The following SLIT2 variants were observed in gnomAD, a reference collection of about 807,000 sequenced individuals.
The protein encoded by SLIT2 is slit homolog 2 protein.
SLIT2 carries 41 observed loss-of-function variants against 185.7 expected under a neutral mutation model. That is an observed-to-expected ratio of 0.22 (90% CI 0.17 to 0.29). The LOEUF (loss-of-function observed/expected upper bound fraction) is 0.29. Ranked by LOEUF, SLIT2 falls within the 10% of genes least tolerant of loss-of-function variation. SLIT2 has a pLI of 1.00. For missense variants in SLIT2, 1,571 were observed against 1,909.0 expected, an observed-to-expected ratio of 0.82 and a Z score of 3.30; for synonymous variants, 693 against 680.2, an observed-to-expected ratio of 1.02 and a Z score of -0.29.
chr4:20,466,316 T>G (rs181332982), intron 4 of SLIT2, among the ~76,000 whole-genome samples: 28 of 152,148 alleles, frequency 1.8e-4, no homozygotes, highest in African/African-American at 6.3e-4. Flanking sequence ...TTTTAGGAAA[T>G]GAAGGATTAA....
chr4:20,407,127 C>T (rs1174722494), intron 4 of SLIT2, among the ~76,000 whole-genome samples: 1 of 152,038 alleles, frequency 6.6e-6, no homozygotes, highest in Non-Finnish European at 1.5e-5. Flanking sequence ...ATCAAAGTTG[C>T]TTTTTCCTTT....
At chr4:20,275,296 C>G (rs1267609336) in intron 4 of SLIT2, among the ~76,000 whole-genome samples, 3 of 152,092 alleles carry the variant, frequency 2.0e-5, no homozygotes, top group East Asian at 3.9e-4. Flanking sequence ...ACTTGCAGTT[C>G]TGTTAACTTT....
intron 4 of SLIT2, among the ~76,000 whole-genome samples, chr4:20,395,101 T>G (rs773307090): frequency 1.3e-5 from 2 of 152,038 alleles, no homozygotes; most frequent in Non-Finnish European, 2.9e-5. Flanking sequence ...TAGATTTACC[T>G]TAAATAGATG....
Position 20,449,697 on chromosome 4 carries a change from G to A in SLIT2, c.396-18055G>A, listed in dbSNP as rs568847622. Reference sequence around the variant, plus strand: ...GCTGGGATTACACGCGTGAGCCACCGCACCCGGCCAAAAAAACATTTTTTT... The same window carrying A: ...GCTGGGATTACACGCGTGAGCCACCACACCCGGCCAAAAAAACATTTTTTT... On this transcript the variant is annotated intron_variant, in intron 4 of 36. Transcript: ENST00000504154. Among the ~76,000 whole-genome samples the A allele has an allele frequency of 4.6e-5, 7 of 152,030 alleles. No homozygotes were observed. In the South Asian group the frequency reaches 6.2e-4, roughly 14 times the overall value.
chr4:20,421,050 G>T (rs550000935), intron 4 of SLIT2, among the ~76,000 whole-genome samples: 1 of 152,096 alleles, frequency 6.6e-6, no homozygotes, highest in African/African-American at 2.4e-5. Flanking sequence ...ACCATTTTTT[G>T]ATTTTCTGAA....
intron 4 of SLIT2, among the ~76,000 whole-genome samples, chr4:20,403,602 A>G (rs1233634980): frequency 2.6e-5 from 4 of 152,010 alleles, no homozygotes; most frequent in Non-Finnish European, 5.9e-5. Context: ...TTCAGTGCTC[A>G]TGACTGAATA....
intron 4 of SLIT2, among the ~76,000 whole-genome samples, chr4:20,329,580 A>G (rs1024153225): frequency 6.6e-6 from 1 of 152,072 alleles, no homozygotes; most frequent in Non-Finnish European, 1.5e-5. Flanking sequence ...CTAGCATACT[A>G]GTAAAATCAT....
At chr4:20,366,821 A>G (rs1303408274) in intron 4 of SLIT2, among the ~76,000 whole-genome samples, 1 of 151,090 alleles carries the variant, frequency 6.6e-6, no homozygotes, top group African/African-American at 2.4e-5. Context: ...TTTTTGAAAC[A>G]GGGTCTCACT....
At chr4:20,299,892 A>G (rs997100893) in intron 4 of SLIT2, among the ~76,000 whole-genome samples, 1 of 152,108 alleles carries the variant, frequency 6.6e-6, no homozygotes, top group African/African-American at 2.4e-5. Flanking sequence ...TTCAGTCATT[A>G]ATATTGAAAT....
intron 26 of SLIT2, among the ~76,000 whole-genome samples, chr4:20,555,958 A>AT (rs1724219849): frequency 6.6e-6 from 1 of 152,018 alleles, no homozygotes; most frequent in African/African-American, 2.4e-5. Flanking sequence ...AAATTTTAAA[A>AT]TTTCCTGCCA....
At chr4:20,468,850 CT>C (rs34126935) in intron 5 of SLIT2, among the ~76,000 whole-genome samples, 2,638 of 143,638 alleles carry the variant, frequency 0.018, 57 homozygotes, top group African/African-American at 0.059. Flanking sequence ...GATCCAATGC[CT>C]TTTTTTTTTT....
chr4:20,257,336 A>C (rs971946689), intron 2 of SLIT2, among the ~76,000 whole-genome samples: 2 of 152,046 alleles, frequency 1.3e-5, no homozygotes, highest in African/African-American at 4.8e-5. Flanking sequence ...TTGCGAGTCA[A>C]TGTAATGTTA....
chr4:20,531,952 TA>T, intron 16 of SLIT2, 31 bp from the exon 17 acceptor site: 1 of 1,311,848 alleles, frequency 7.6e-7, no homozygotes, highest in Non-Finnish European at 1.1e-6. Flanking sequence ...CTATTGGTAA[TA>T]AAACTTCTCT....
chr4:20,407,767 G>A (rs760153990), intron 4 of SLIT2, among the ~76,000 whole-genome samples: 2 of 152,184 alleles, frequency 1.3e-5, no homozygotes, highest in Non-Finnish European at 2.9e-5. Context: ...TTGAATTCTG[G>A]ATGTGGAAGT....
intron 4 of SLIT2, among the ~76,000 whole-genome samples, chr4:20,340,345 A>G (rs777446823): frequency 3.9e-5 from 6 of 152,172 alleles, no homozygotes; most frequent in South Asian, 2.1e-4. Flanking sequence ...CCACAAAAAC[A>G]AAATCAAAAA....
chr4:20,471,413 ATATTAT>A (rs1403213116), intron 5 of SLIT2, among the ~76,000 whole-genome samples: 1 of 152,140 alleles, frequency 6.6e-6, no homozygotes, highest in East Asian at 1.9e-4. Flanking sequence ...AGCATTATTA[ATATTAT>A]TAGTATTTGG....
chr4:20,315,344 A>G (rs1254914817), intron 4 of SLIT2, among the ~76,000 whole-genome samples: 1 of 152,154 alleles, frequency 6.6e-6, no homozygotes, highest in Non-Finnish European at 1.5e-5. Flanking sequence ...CTCAAAGTAC[A>G]CAGCATTAGG....
intron 4 of SLIT2, among the ~76,000 whole-genome samples, chr4:20,370,427 G>A (rs1029715358): frequency 6.6e-6 from 1 of 152,168 alleles, no homozygotes; most frequent in African/African-American, 2.4e-5. Flanking sequence ...GAAACATCTG[G>A]TGCTTTTGAA....
intron 26 of SLIT2, among the ~76,000 whole-genome samples, chr4:20,555,327 G>C (rs953235111): frequency 4.6e-5 from 7 of 152,062 alleles, no homozygotes; most frequent in Non-Finnish European, 1.0e-4. Context: ...ATGCTGTGCG[G>C]TGGGTTGCAG....
Sources: allele counts gnomAD v4.1 joint callset (sites outside exome capture counted in the v4.1 genomes callset), GRCh38; gene constraint gnomAD v4.1.1; transcripts MANE v1.5; gene names NCBI Gene and HGNC (gene_info 2026-07-23, HGNC 2026-07-21).